Variants in PRR11 observed in about 807,000 individuals in gnomAD.
PRR11 encodes proline-rich protein 11.
A neutral mutation model predicts 45.6 loss-of-function variants in PRR11; 30 were observed. The ratio of observed to expected loss-of-function variants is 0.66; its 90% CI spans 0.49 to 0.89. PRR11 has a LOEUF of 0.89. Ranked by LOEUF, PRR11 falls within the 40% of genes least tolerant of loss-of-function variation. The pLI is 0.00. For synonymous variants in PRR11, 128 were observed against 153.5 expected (o/e 0.83, Z 1.23); for missense variants, 373 against 424.8 (o/e 0.88, Z 1.07).
intron 2 of PRR11, among the ~76,000 whole-genome samples, chr17:59,182,543 C>T (rs542694082): frequency 1.3e-5 from 2 of 151,734 alleles, no homozygotes; most frequent in South Asian, 2.1e-4. Context: ...AGGCGCGCAC[C>T]ACTACCACCT....
At chr17:59,177,189 G>A in intron 2 of PRR11, 1 of 548,442 alleles carries the variant, frequency 1.8e-6, no homozygotes, top group Admixed American at 1.9e-5. Flanking sequence ...ATAAATGAAT[G>A]CATTGGTATT....
At chr17:59,176,169 A>G (rs1051344153) in intron 2 of PRR11, among the ~76,000 whole-genome samples, 2 of 152,196 alleles carry the variant, frequency 1.3e-5, no homozygotes, top group African/African-American at 4.8e-5. Flanking sequence ...GACAGAAAAC[A>G]CAAACGCAAA....
intron 2 of PRR11, among the ~76,000 whole-genome samples, chr17:59,172,142 T>C (rs1460747906): frequency 6.6e-6 from 1 of 152,228 alleles, no homozygotes; most frequent in African/African-American, 2.4e-5. Flanking sequence ...ACTCATATTT[T>C]TACAAAGAAT....
chr17:59,203,306 C>A lies in PRR11; in HGVS notation c.*1675C>A, dbSNP rs903214293. Among the ~76,000 whole-genome samples, 1 of 152,058 alleles carries A rather than the reference C, an allele frequency of 6.6e-6. No homozygotes were observed. Among genetic ancestry groups the A allele is most frequent in the Non-Finnish European group, 1.5e-5 (1 of 68,014 alleles). On this transcript the variant is annotated 3_prime_UTR_variant, in exon 10 of 10. Transcript: ENST00000262293. ...GTGGCGCAATCTTGGCTCACTGCAA[C>A]CTCCACCTCCCAGGTTCAAGCAATT... is the stretch of plus-strand genomic sequence containing the variant.
chr17:59,179,148 T>A lies in PRR11; in HGVS notation c.129-5906T>A, dbSNP rs570338847. Among the ~76,000 whole-genome samples the A allele has an allele frequency of 4.6e-5, 7 of 152,238 alleles. No homozygotes were observed. In the South Asian group the frequency reaches 1.5e-3, roughly 32 times the overall value. ...CTGAGTAGCTGGGATTACAGGCGTG[T>A]GCTACCACGCCTGGCTAATTTTTGT... On this transcript the variant is annotated intron_variant, in intron 2 of 9. Coordinates refer to ENST00000262293, the MANE Select transcript of PRR11 (RefSeq NM_018304.4).
chr17:59,176,192 G>A (rs1405801039), intron 2 of PRR11, among the ~76,000 whole-genome samples: 1 of 152,170 alleles, frequency 6.6e-6, no homozygotes, highest in African/African-American at 2.4e-5. Flanking sequence ...CGAGTGGAGG[G>A]CATTTGGAAA....
chr17:59,186,030 A>C (rs765716908), intron 4 of PRR11, among the ~76,000 whole-genome samples: 23 of 152,308 alleles, frequency 1.5e-4, no homozygotes, highest in Non-Finnish European at 3.1e-4. Context: ...GCCATCCATA[A>C]AACTTATCTA....
At chr17:59,196,836 C>G (rs769619245) in intron 7 of PRR11, among the ~76,000 whole-genome samples, 1 of 151,966 alleles carries the variant, frequency 6.6e-6, no homozygotes. Context: ...ATGTTCCCAT[C>G]GGCATCTACT....
chr17:59,180,770 T>G (rs1335091638), intron 2 of PRR11, among the ~76,000 whole-genome samples: 5 of 151,308 alleles, frequency 3.3e-5, no homozygotes, highest in Non-Finnish European at 5.9e-5. Context: ...CCTCCCAAAG[T>G]GCTGGGATTA....
At chr17:59,162,408 A>G (rs2147832601) in intron 1 of PRR11, among the ~76,000 whole-genome samples, 1 of 152,280 alleles carries the variant, frequency 6.6e-6, no homozygotes, top group South Asian at 2.1e-4. Flanking sequence ...CTAGAAAGAA[A>G]TGGCCCTGTT....
chr17:59,196,007 G>C (rs946083685), intron 7 of PRR11, among the ~76,000 whole-genome samples: 2 of 149,022 alleles, frequency 1.3e-5, no homozygotes, highest in African/African-American at 5.0e-5. Context: ...AGGATCACTT[G>C]AGCCCAGGAG....
At chr17:59,185,020 GTTTT>G in intron 2 of PRR11, 30 bp from the exon 3 acceptor site, 1 of 1,599,392 alleles carries the variant, frequency 6.3e-7, no homozygotes, top group South Asian at 1.1e-5. Flanking sequence ...TGACTTAGGG[GTTTT>G]TTATTTGTTT....
intron 2 of PRR11, chr17:59,181,602 C>G: frequency 1.4e-6 from 2 of 1,401,812 alleles, no homozygotes; most frequent in Non-Finnish European, 2.0e-6. Context: ...GCCCACACAG[C>G]ATCTCCGCCA....
rs774117530 is a variant in PRR11, at chr17:59,195,446, A to G, written c.857+3A>G. The stretch of plus-strand genomic sequence containing the variant: ...ACTCGAGTTACAAACGTCTTAATGT[A>G]AGGAACTGCACAGTACTATGCTCTA... On this transcript the variant is annotated splice_donor_region_variant and intron_variant, in intron 7 of 9. Transcript: ENST00000262293. The G allele has an allele frequency of 3.2e-6, 5 of 1,555,816 alleles. No individual in the cohort carries two copies. In the South Asian group the frequency reaches 4.4e-5, roughly 14 times the overall value.
At chr17:59,155,972 G>T (rs1380055094) in intron 1 of PRR11, among the ~76,000 whole-genome samples, 167 bp downstream of exon 1, 1 of 152,088 alleles carries the variant, frequency 6.6e-6, no homozygotes, top group South Asian at 2.1e-4. Flanking sequence ...AGAAGTGCTC[G>T]GCCTGGCTTC....
chr17:59,165,758 C>T (rs1686750344), intron 1 of PRR11, among the ~76,000 whole-genome samples: 1 of 152,020 alleles, frequency 6.6e-6, no homozygotes, highest in Non-Finnish European at 1.5e-5. Context: ...TGCCATTGCA[C>T]TCCAGCCTGG....
chr17:59,162,683 A>G (rs2034036317), intron 1 of PRR11, among the ~76,000 whole-genome samples: 1 of 149,682 alleles, frequency 6.7e-6, no homozygotes, highest in South Asian at 2.1e-4. Flanking sequence ...TGTAGGCACT[A>G]TATAAATTTA....
At chr17:59,169,092 T>TG (rs1468071823) in intron 1 of PRR11, among the ~76,000 whole-genome samples, 1 of 142,380 alleles carries the variant, frequency 7.0e-6, no homozygotes, top group African/African-American at 2.8e-5. Context: ...AGAAACATAT[T>TG]CTTTTTTTTT....
At chr17:59,174,403 C>G (rs1297716924) in intron 2 of PRR11, among the ~76,000 whole-genome samples, 1 of 152,176 alleles carries the variant, frequency 6.6e-6, no homozygotes, top group Non-Finnish European at 1.5e-5. Context: ...AGATGTGAAC[C>G]AAAGCTTCAC....
Sources: allele counts gnomAD v4.1 joint callset (sites outside exome capture counted in the v4.1 genomes callset), GRCh38; gene constraint gnomAD v4.1.1; transcripts MANE v1.5; gene names NCBI Gene and HGNC (gene_info 2026-07-23, HGNC 2026-07-21).